SUSD1: variants seen among roughly 807,000 people sequenced by gnomAD.
SUSD1 encodes sushi domain-containing protein 1.
In SUSD1, 65 loss-of-function variants were observed where a neutral mutation model predicts 86.9. That is an observed-to-expected ratio of 0.75 (90% CI 0.61 to 0.92). The LOEUF is 0.92. Ranked by LOEUF, SUSD1 falls within the 40% of genes least tolerant of loss-of-function variation. SUSD1 has a pLI of 0.00. For synonymous variants in SUSD1, 346 were observed against 350.0 expected, an observed-to-expected ratio of 0.99 and a Z score of 0.13; for missense variants, 850 against 929.7, an observed-to-expected ratio of 0.91 and a Z score of 1.11.
At chr9:112,159,134 C>T (rs1214776177) in intron 1 of SUSD1, among the ~76,000 whole-genome samples, 1 of 152,100 alleles carries the variant, frequency 6.6e-6, no homozygotes, top group Admixed American at 6.6e-5. Flanking sequence ...TCTAAAACAT[C>T]CAAATCTACC....
At chr9:112,131,459 A>G (rs1832030561) in intron 5 of SUSD1, among the ~76,000 whole-genome samples, 2 of 152,126 alleles carry the variant, frequency 1.3e-5, no homozygotes, top group Non-Finnish European at 2.9e-5. Context: ...GTTTAACCCT[A>G]TGTATGACAT....
intron 3 of SUSD1, chr9:112,145,918 C>T (rs1286817908): frequency 6.6e-6 from 1 of 152,204 alleles, no homozygotes; most frequent in Non-Finnish European, 1.5e-5. Context: ...CTGGAATCAT[C>T]TCACACTAGA....
In SUSD1 at chr9:112,113,662, T is replaced by C. The variant is rs1294100648; in HGVS notation, c.887-794A>G. Among the ~76,000 whole-genome samples, 1 of 152,224 alleles carries C rather than the reference T, an allele frequency of 6.6e-6. No individual in the cohort carries two copies. The highest frequency in any genetic ancestry group is 1.9e-4 in the East Asian group (1 of 5,202). On this transcript the variant is annotated intron_variant, in intron 6 of 16. Coordinates refer to ENST00000374270, the MANE Select transcript of SUSD1 (RefSeq NM_022486.5). The surrounding 1 kb of genome is among the most constrained non-coding windows in gnomAD (Gnocchi z 4.1). Reference sequence around the variant, plus strand: ...AAATCAAATTCCCAGCCGAGTGCAGTGGCTCACACCTGTAATCTCAGCACT... The same window carrying C: ...AAATCAAATTCCCAGCCGAGTGCAGCGGCTCACACCTGTAATCTCAGCACT...
intron 6 of SUSD1, among the ~76,000 whole-genome samples, chr9:112,123,416 C>T (rs1401551494): frequency 6.6e-6 from 1 of 152,148 alleles, no homozygotes; most frequent in Non-Finnish European, 1.5e-5. Flanking sequence ...TGATCTACCC[C>T]CATGACCCAA....
chr9:112,049,345 C>G (rs1311173041), intron 15 of SUSD1, among the ~76,000 whole-genome samples: 2 of 152,210 alleles, frequency 1.3e-5, no homozygotes, highest in Non-Finnish European at 2.9e-5. Context: ...CTCAAGAAAT[C>G]ACAGACTCAT....
At chr9:112,126,066 G>A (rs1831760846) in intron 5 of SUSD1, among the ~76,000 whole-genome samples, 1 of 152,168 alleles carries the variant, frequency 6.6e-6, no homozygotes, top group South Asian at 2.1e-4. Flanking sequence ...GTATTTAATG[G>A]CCCAAGGCAT....
intron 2 of SUSD1, 123 bp downstream of exon 2, chr9:112,157,377 T>C: frequency 3.0e-6 from 2 of 662,590 alleles, no homozygotes; most frequent in Non-Finnish European, 5.1e-6. Context: ...TGACAAAACT[T>C]CTCATAATAA....
At chr9:112,046,140 A>C (rs1473217951) in intron 15 of SUSD1, among the ~76,000 whole-genome samples, 1 of 152,178 alleles carries the variant, frequency 6.6e-6, no homozygotes, top group African/African-American at 2.4e-5. Flanking sequence ...TTGCATATAT[A>C]CTCTAAAAAT....
At chr9:112,141,538 G>A (rs1832563039) in intron 5 of SUSD1, among the ~76,000 whole-genome samples, 1 of 151,816 alleles carries the variant, frequency 6.6e-6, no homozygotes, top group African/African-American at 2.4e-5. Context: ...TTAGCCGGGT[G>A]TAGTGGTGGG....
chr9:112,099,431 C>T (rs1056755192), intron 9 of SUSD1, among the ~76,000 whole-genome samples: 9 of 151,924 alleles, frequency 5.9e-5, no homozygotes, highest in African/African-American at 2.2e-4. Flanking sequence ...CTTAACCCTA[C>T]CCATGGAAGA....
rs546615991 is a variant in SUSD1 at position 112,169,569 on chromosome 9, C to A, written c.103+5564G>T. Among the ~76,000 whole-genome samples the A allele has an allele frequency of 7.2e-5, 11 of 152,208 alleles. No individual in the cohort carries two copies. In the South Asian group the frequency reaches 1.7e-3, roughly 23 times the overall value. ...AAACCAACCCACACTGAGTGCCATT[C>A]ATTTACGCCACACCCTACGGTTCAC... On this transcript the variant is annotated intron_variant, in intron 1 of 16. Coordinates refer to ENST00000374270, the MANE Select transcript of SUSD1 (RefSeq NM_022486.5).
chr9:112,165,593 A>G (rs919167268), intron 1 of SUSD1, among the ~76,000 whole-genome samples: 4 of 151,852 alleles, frequency 2.6e-5, no homozygotes, highest in African/African-American at 7.2e-5. Flanking sequence ...TATTTTTAGC[A>G]GAGATGAGTT....
intron 10 of SUSD1, among the ~76,000 whole-genome samples, chr9:112,081,662 G>A (rs1463606425): frequency 1.3e-5 from 2 of 152,154 alleles, no homozygotes; most frequent in African/African-American, 4.8e-5. Context: ...CACAATGCCC[G>A]ACCTGTACAA....
At chr9:112,061,432 C>A (rs1564255667) in intron 13 of SUSD1, among the ~76,000 whole-genome samples, 1 of 152,220 alleles carries the variant, frequency 6.6e-6, no homozygotes, top group Non-Finnish European at 1.5e-5. Flanking sequence ...TTTTTCACCA[C>A]CACACTCCCT....
chr9:112,043,904 G>A (rs572708228), intron 15 of SUSD1, among the ~76,000 whole-genome samples: 4 of 151,974 alleles, frequency 2.6e-5, no homozygotes, highest in Non-Finnish European at 4.4e-5. Flanking sequence ...GGATTCAAGC[G>A]ATTCTCCTGC....
rs1348545850 is a variant in SUSD1, at chr9:112,175,206, C to T, written c.30G>A (p.Pro10=). MGRGPWDAG[P]SRRLLPLLLL... is the part of the protein sequence containing the mutation. ...GCAACAGCGGCAGCAGGCGGCGAGA[C>T]GGGCCCGCATCCCAGGGCCCCCGGC... Residue 10 remains proline, a synonymous_variant, in exon 1 of 17, where the codon CCG becomes CCA. Coordinates refer to ENST00000374270, the MANE Select transcript of SUSD1 (RefSeq NM_022486.5). This position sits in a 1 kb window ranked among gnomAD's most constrained non-coding sequence, Gnocchi z 4.7. 2.6e-5 allele frequency: 30 copies of T among 1,160,374 alleles called. No individual in the cohort carries two copies. Among genetic ancestry groups the T allele is most frequent in the Admixed American group, 9.5e-5 (2 of 21,128 alleles). 71.9% of individuals were successfully genotyped at this position (1,160,374 alleles called of 1,614,324 possible). A position where few individuals can be genotyped will look rare whatever the true frequency, so the allele number is the denominator to read the frequency against.
In SUSD1 at chr9:112,097,492, G is replaced by A. The variant is rs149634237; in HGVS notation, c.1474+978C>T. 6.8e-3 allele frequency among the ~76,000 whole-genome samples: 978 copies of A among 142,954 alleles called. 9 individuals are homozygous for A. Among genetic ancestry groups the A allele is most frequent in the African/African-American group, 0.024 (928 of 38,832 alleles). 93.8% of individuals were successfully genotyped at this position (142,954 alleles called of 152,430 possible). ...CGGCTCACTGCAACCTCTGCCTCCCGGGTTCAGTGATTCTCTTGCCTCAGC... is the reference window on the plus strand; with the variant it reads ...CGGCTCACTGCAACCTCTGCCTCCCAGGTTCAGTGATTCTCTTGCCTCAGC... On this transcript the variant is annotated intron_variant, in intron 10 of 16. Transcript: ENST00000374270.
intron 10 of SUSD1, among the ~76,000 whole-genome samples, chr9:112,080,565 G>A (rs1829720727): frequency 1.3e-5 from 2 of 152,188 alleles, no homozygotes; most frequent in South Asian, 4.1e-4. Flanking sequence ...GTGTGTGCCT[G>A]TAGTCCCAGC....
chr9:112,081,298 G>C (rs1009865684), intron 10 of SUSD1, among the ~76,000 whole-genome samples: 1 of 152,222 alleles, frequency 6.6e-6, no homozygotes, highest in African/African-American at 2.4e-5. Context: ...GGCCTGACAG[G>C]TTCCTACAAA....
Sources: gnomAD v4.1 joint callset for allele counts (sites outside exome capture counted in the v4.1 genomes callset) on GRCh38, gnomAD v4.1.1 for gene constraint, Gnocchi (gnomAD v3.1) non-coding constraint, MANE v1.5 for transcripts, NCBI Gene and HGNC (gene_info 2026-07-23, HGNC 2026-07-21) for gene names.